Variants in RAD18 observed in about 807,000 individuals in gnomAD.
RAD18 encodes the protein E3 ubiquitin-protein ligase RAD18.
Under a neutral mutation model 60.4 loss-of-function variants are expected in RAD18, and 47 were observed. That is an observed-to-expected ratio of 0.78 (90% CI 0.62 to 0.99). The LOEUF (loss-of-function observed/expected upper bound fraction) is 0.99. Ranked by LOEUF, RAD18 falls within the 50% of genes least tolerant of loss-of-function variation. The pLI is 0.00. For synonymous variants in RAD18, 225 were observed against 195.5 expected (o/e 1.15, Z -1.26); for missense variants, 640 against 593.3 (o/e 1.08, Z -0.82).
chr3:8,932,373 GA>G (rs1171936901), intron 7 of RAD18, among the ~76,000 whole-genome samples: 26 of 152,036 alleles, frequency 1.7e-4, no homozygotes, highest in Non-Finnish European at 1.5e-5. Flanking sequence ...CTTTATCAAA[GA>G]AAATATACAA....
intron 10 of RAD18, among the ~76,000 whole-genome samples, chr3:8,901,380 C>CA (rs1939910485): frequency 6.6e-6 from 1 of 151,960 alleles, no homozygotes; most frequent in Non-Finnish European, 1.5e-5. Context: ...TTATAAGAAC[C>CA]AAAAGGTGGA....
chr3:8,956,434 G>A (rs1232164984), intron 2 of RAD18, among the ~76,000 whole-genome samples: 2 of 152,098 alleles, frequency 1.3e-5, no homozygotes, highest in Admixed American at 1.3e-4. Context: ...TGGGCAGGAC[G>A]GCACAAGATT....
At chr3:8,956,448 T>C (rs1359661273) in intron 2 of RAD18, among the ~76,000 whole-genome samples, 1 of 152,206 alleles carries the variant, frequency 6.6e-6, no homozygotes, top group African/African-American at 2.4e-5. Flanking sequence ...CAAGATTTCA[T>C]CAGTGCTTTA....
At chr3:8,885,356 G>A (rs901618865) in intron 12 of RAD18, among the ~76,000 whole-genome samples, 2 of 152,190 alleles carry the variant, frequency 1.3e-5, no homozygotes, top group Non-Finnish European at 2.9e-5. Flanking sequence ...ATAAGTGCAT[G>A]CAAACAACTT....
At chr3:8,951,140 T>G (rs1029436062) in intron 2 of RAD18, among the ~76,000 whole-genome samples, 4 of 152,194 alleles carry the variant, frequency 2.6e-5, no homozygotes, top group Non-Finnish European at 5.9e-5. Flanking sequence ...ACTAAACTAC[T>G]TATCCTGGAA....
chr3:8,951,333 C>T (rs577856999), intron 2 of RAD18, among the ~76,000 whole-genome samples: 17 of 152,086 alleles, frequency 1.1e-4, no homozygotes, highest in African/African-American at 3.6e-4. Flanking sequence ...GAGAGTGCAC[C>T]GAAATATTTA....
chr3:8,958,193 C>A (rs1574829671), intron 2 of RAD18, among the ~76,000 whole-genome samples: 2 of 152,282 alleles, frequency 1.3e-5, no homozygotes, highest in Non-Finnish European at 2.9e-5. Context: ...AGAAACTTTT[C>A]CACCAAAGCT....
intron 12 of RAD18, among the ~76,000 whole-genome samples, chr3:8,888,903 G>A (rs2125046355): frequency 6.6e-6 from 1 of 152,302 alleles, no homozygotes; most frequent in African/African-American, 2.4e-5. Flanking sequence ...TTGGGCTCAG[G>A]AACTCTGGGC....
chr3:8,963,469 T>C lies in RAD18; in HGVS notation c.-84A>G, dbSNP rs1941123840. On this transcript the variant is annotated 5_prime_UTR_variant, in exon 1 of 13. An upstream start codon of the reference 5' UTR is lost. Transcript: ENST00000264926. Reference sequence around the variant, plus strand: ...ACTCGAAATTCCCCGCGCTACCGCATTACGTCAGCAGCCCGCGACGCGCCA... The same window carrying C: ...ACTCGAAATTCCCCGCGCTACCGCACTACGTCAGCAGCCCGCGACGCGCCA... 1 of 1,330,458 alleles carries C rather than the reference T, an allele frequency of 7.5e-7. No individual in the cohort carries two copies. 82.4% of individuals were successfully genotyped at this position (1,330,458 alleles called of 1,614,324 possible). A position where few individuals can be genotyped will look rare whatever the true frequency, so the allele number is the denominator to read the frequency against.
intron 11 of RAD18, 23 bp from the exon 12 acceptor site, chr3:8,890,474 A>G: frequency 6.7e-7 from 1 of 1,498,924 alleles, no homozygotes; most frequent in Non-Finnish European, 9.3e-7. Flanking sequence ...GTACATCAGT[A>G]TTGACAGACA....
rs138237682 is a variant in RAD18, at chr3:8,895,770, C to T, written c.1322+3124G>A. On this transcript the variant is annotated intron_variant, in intron 11 of 12. Coordinates refer to ENST00000264926, the MANE Select transcript of RAD18 (RefSeq NM_020165.4). ...ATCCAACCTGTTTTCTCATCTCCAA[C>T]ATGCAATCACTTTCATTAGTTTGTT... is the stretch of plus-strand genomic sequence containing the variant. Among the ~76,000 whole-genome samples the T allele has an allele frequency of 1.2e-4, 19 of 152,334 alleles. No individual in the cohort carries two copies. In the East Asian group the frequency reaches 3.5e-3, roughly 28 times the overall value.
chr3:8,890,523 G>GA (rs1217282837), intron 11 of RAD18, 72 bp from the exon 12 acceptor site: 24 of 1,217,178 alleles, frequency 2.0e-5, no homozygotes, highest in African/African-American at 1.2e-4. Context: ...TAAAATTCTA[G>GA]AAAAAAACAA....
At chr3:8,926,730 A>G (rs2125061261) in intron 7 of RAD18, among the ~76,000 whole-genome samples, 1 of 152,296 alleles carries the variant, frequency 6.6e-6, no homozygotes, top group Middle Eastern at 3.4e-3. Flanking sequence ...AATGGAACAG[A>G]ACAGAGCCCT....
intron 11 of RAD18, among the ~76,000 whole-genome samples, chr3:8,897,990 T>C (rs1254343387): frequency 6.6e-6 from 1 of 151,904 alleles, no homozygotes; most frequent in Non-Finnish European, 1.5e-5. Flanking sequence ...GAGAAATGCT[T>C]GAACCTGGGA....
At chr3:8,922,661 C>A (rs1233660261) in intron 7 of RAD18, among the ~76,000 whole-genome samples, 1 of 152,182 alleles carries the variant, frequency 6.6e-6, no homozygotes, top group Non-Finnish European at 1.5e-5. Context: ...CTGGGAGGCA[C>A]CTCCCAGTAG....
intron 8 of RAD18, 88 bp downstream of exon 8, chr3:8,913,556 T>C (rs430781): frequency 0.83 from 805,165 of 974,562 alleles, 334,525 homozygotes; most frequent in African/African-American, 0.94. Flanking sequence ...AGTAAATGAA[T>C]AAATTTAATA....
intron 7 of RAD18, among the ~76,000 whole-genome samples, chr3:8,929,343 T>C (rs1940507612): frequency 6.6e-6 from 1 of 151,710 alleles, no homozygotes; most frequent in South Asian, 2.1e-4. Context: ...AACTTATAGG[T>C]AGAACAATCA....
At chr3:8,892,907 TC>T in intron 11 of RAD18, among the ~76,000 whole-genome samples, 1 of 152,224 alleles carries the variant, frequency 6.6e-6, no homozygotes, top group East Asian at 1.9e-4. Context: ...TACTTAACTT[TC>T]CTCTGTGTCA....
rs533137069 is a variant in RAD18 at position 8,948,103 on chromosome 3, G to A, written c.195+406C>T. 4.6e-5 allele frequency among the ~76,000 whole-genome samples: 7 copies of A among 152,300 alleles called. No homozygotes were observed. In the East Asian group the frequency reaches 1.3e-3, roughly 29 times the overall value. ...GGTTTTCCCTGAAGCTCTGGTAGGG[G>A]AAAGATGTAAGGGAACAGATAGGCC... is the stretch of plus-strand genomic sequence containing the variant. On this transcript the variant is annotated intron_variant, in intron 3 of 12. Coordinates refer to ENST00000264926, the MANE Select transcript of RAD18 (RefSeq NM_020165.4).
Sources: allele counts gnomAD v4.1 joint callset (sites outside exome capture counted in the v4.1 genomes callset), GRCh38; gene constraint gnomAD v4.1.1; transcripts MANE v1.5; gene names NCBI Gene and HGNC (gene_info 2026-07-23, HGNC 2026-07-21).